The following MAP3K4 variants were observed in gnomAD, a reference collection of about 807,000 sequenced individuals.
The protein encoded by MAP3K4 is MAP three kinase 1.
Under a neutral mutation model 185.6 loss-of-function variants are expected in MAP3K4, and 67 were observed. The ratio of observed to expected loss-of-function variants is 0.36; its 90% CI spans 0.30 to 0.44. The LOEUF is 0.44. MAP3K4 is among the 20% of genes least tolerant of loss of function. The probability of loss-of-function intolerance (pLI) is 1.00; values close to 1 mark genes in which losing one functional copy is unlikely to be tolerated. For synonymous variants in MAP3K4, 702 were observed against 710.4 expected, an observed-to-expected ratio of 0.99 and a Z score of 0.19; for missense variants, 1,551 against 1,995.1, an observed-to-expected ratio of 0.78 and a Z score of 4.24.
intron 1 of MAP3K4, among the ~76,000 whole-genome samples, chr6:161,016,918 T>A (rs965184983): frequency 3.3e-5 from 5 of 152,334 alleles, no homozygotes; most frequent in African/African-American, 1.2e-4. Context: ...TGCATGCAGT[T>A]TGAATGGTGA....
At position 161,093,871 on chromosome 6, in the gene MAP3K4, C is replaced by T. The variant is rs199654595; in HGVS notation, c.3427+20C>T. Reference sequence around the variant, plus strand: ...ACCTTGGTAAGACAGCCGTTAACAGCATTTCTTCTGGAACATAATGATTTG... The same window carrying T: ...ACCTTGGTAAGACAGCCGTTAACAGTATTTCTTCTGGAACATAATGATTTG... On this transcript the variant is annotated intron_variant, in intron 15 of 26. Transcript: ENST00000392142. This position sits in a 1 kb window ranked among gnomAD's most constrained non-coding sequence, Gnocchi z 5.2. 2.5e-6 allele frequency: 4 copies of T among 1,569,450 alleles called. No individual in the cohort carries two copies. The highest frequency in any genetic ancestry group is 2.7e-5 in the African/African-American group (2 of 73,698).
Position 161,116,923 on chromosome 6 carries a change from T to C in MAP3K4, c.*53T>C, listed in dbSNP as rs1778610546. 4 of 1,496,344 alleles carry C rather than the reference T, an allele frequency of 2.7e-6. No homozygotes were observed. The highest frequency in any genetic ancestry group is 1.4e-5 in the African/African-American group (1 of 72,684). The allele number at this position is 1,496,344 out of a possible 1,614,324, so 92.7% of individuals were successfully genotyped here. A position where few individuals can be genotyped will look rare whatever the true frequency, so the allele number is the denominator to read the frequency against. On this transcript the variant is annotated 3_prime_UTR_variant, in exon 27 of 27. Transcript: ENST00000392142. The surrounding 1 kb of genome is among the most constrained non-coding windows in gnomAD (Gnocchi z 6.2). The stretch of plus-strand genomic sequence containing the variant: ...TTCTCTTAATCACTACTGTATGTAA[T>C]ATTTACATAAAGACTGTGCTGAGAA...
intron 3 of MAP3K4, among the ~76,000 whole-genome samples, chr6:161,069,463 G>A (rs948706691): frequency 2.0e-5 from 3 of 152,180 alleles, no homozygotes; most frequent in African/African-American, 7.2e-5. Flanking sequence ...TGTGAGGGTT[G>A]GTTGAGAGTG....
intron 19 of MAP3K4, among the ~76,000 whole-genome samples, chr6:161,105,441 A>G (rs1208785449): frequency 1.3e-5 from 2 of 152,184 alleles, no homozygotes; most frequent in Non-Finnish European, 2.9e-5. Flanking sequence ...GAGGAAGTTA[A>G]TTACCTTGCC....
rs766238054 is a variant in MAP3K4 at position 161,107,762 on chromosome 6, T to C, written c.4049-137T>C. The C allele has an allele frequency of 9.2e-5, 55 of 600,824 alleles. No individual in the cohort carries two copies. The highest frequency in any genetic ancestry group is 1.4e-4 in the Non-Finnish European group (51 of 358,550). 37.2% of individuals were successfully genotyped at this position (600,824 alleles called of 1,614,324 possible). ...TTTAGAAAAATTTTGGATCTTGCAA[T>C]AGTAAACTGCAGTAAACATAATTAT... On this transcript the variant is annotated intron_variant, in intron 20 of 26. Transcript: ENST00000392142. This position sits in a 1 kb window ranked among gnomAD's most constrained non-coding sequence, Gnocchi z 6.2.
intron 1 of MAP3K4, among the ~76,000 whole-genome samples, chr6:161,005,202 C>A (rs1781525988): frequency 6.6e-6 from 1 of 151,318 alleles, no homozygotes; most frequent in African/African-American, 2.4e-5. Flanking sequence ...GCGGTGGTAC[C>A]ATCATGGCTC....
chr6:161,014,382 G>A lies in MAP3K4; in HGVS notation c.153-19877G>A, dbSNP rs560162002. Among the ~76,000 whole-genome samples, 9 of 152,250 alleles carry A rather than the reference G, an allele frequency of 5.9e-5. No homozygotes were observed. The South Asian group carries it at 1.5e-3, about 25-fold the overall frequency. On this transcript the variant is annotated intron_variant, in intron 1 of 26. Coordinates refer to ENST00000392142, the MANE Select transcript of MAP3K4 (RefSeq NM_005922.4). ...ATTTCCCCTTGTTTTAATGTAAGTA[G>A]GTTTGCTTTCCTTTCAAATCCTGCT...
At chr6:161,009,074 T>G (rs1374458968) in intron 1 of MAP3K4, among the ~76,000 whole-genome samples, 7 of 151,562 alleles carry the variant, frequency 4.6e-5, no homozygotes, top group African/African-American at 1.7e-4. Flanking sequence ...AACCTCCGCC[T>G]TGCAGGTTCA....
rs751998564 is a variant in MAP3K4 at position 161,096,343 on chromosome 6, A to G, written c.3428-737A>G. ...GAAACTATGACATTAAAAAAATACT[A>G]AGGAGGGTTAAAACAGAGTGGTAAA... On this transcript the variant is annotated intron_variant, in intron 15 of 26. Transcript: ENST00000392142. The surrounding 1 kb of genome is among the most constrained non-coding windows in gnomAD (Gnocchi z 4.9). 1.3e-5 allele frequency among the ~76,000 whole-genome samples: 2 copies of G among 152,180 alleles called. No individual in the cohort carries two copies. The highest frequency in any genetic ancestry group is 6.5e-5 in the Admixed American group (1 of 15,278).
intron 3 of MAP3K4, among the ~76,000 whole-genome samples, chr6:161,055,783 T>C (rs979174674): frequency 5.3e-5 from 8 of 152,206 alleles, no homozygotes; most frequent in African/African-American, 1.9e-4. Context: ...TTAACCTTGA[T>C]CACTTGGTTA....
At chr6:161,047,793 A>G (rs1783804561) in intron 2 of MAP3K4, among the ~76,000 whole-genome samples, 2 of 152,358 alleles carry the variant, frequency 1.3e-5, no homozygotes, top group South Asian at 4.1e-4. Flanking sequence ...TAATAGTGTT[A>G]AAAGTGCCAT....
chr6:161,040,209 T>C (rs1388651412), intron 2 of MAP3K4, among the ~76,000 whole-genome samples: 1 of 152,222 alleles, frequency 6.6e-6, no homozygotes, highest in Non-Finnish European at 1.5e-5. Flanking sequence ...TATTTATCTT[T>C]ACTAAGGAGA....
rs1045410553 is a variant in MAP3K4 at position 161,096,457 on chromosome 6, A to T, written c.3428-623A>T. On this transcript the variant is annotated intron_variant, in intron 15 of 26. Coordinates refer to ENST00000392142, the MANE Select transcript of MAP3K4 (RefSeq NM_005922.4). This position sits in a 1 kb window ranked among gnomAD's most constrained non-coding sequence, Gnocchi z 4.9. The stretch of plus-strand genomic sequence containing the variant: ...GACATCTAGTTATTGGGAAAGTGGA[A>T]TTATCAGCATATTTGTAATCACTAG... Among the ~76,000 whole-genome samples, 2 of 152,218 alleles carry T rather than the reference A, an allele frequency of 1.3e-5. No individual in the cohort carries two copies. Among genetic ancestry groups the T allele is most frequent in the Admixed American group, 6.5e-5 (1 of 15,284 alleles).
In MAP3K4 at chr6:161,101,729, G is replaced by A; in HGVS notation, c.3675-163G>A. The stretch of plus-strand genomic sequence containing the variant: ...GTTTTCCGCTGCCCACTAGATGCCA[G>A]TAGCACCCTCCCAAAAGTGTCTAAT... On this transcript the variant is annotated intron_variant, in intron 17 of 26. Coordinates refer to ENST00000392142, the MANE Select transcript of MAP3K4 (RefSeq NM_005922.4). This position sits in a 1 kb window ranked among gnomAD's most constrained non-coding sequence, Gnocchi z 5.1. 1.6e-6 allele frequency: 1 copy of A among 608,462 alleles called. No individual in the cohort carries two copies. The highest frequency in any genetic ancestry group is 1.9e-5 in the African/African-American group (1 of 53,992). The allele number at this position is 608,462 out of a possible 1,614,324, so 37.7% of individuals were successfully genotyped here.
At chr6:161,005,781 A>G (rs978142245) in intron 1 of MAP3K4, among the ~76,000 whole-genome samples, 7 of 152,062 alleles carry the variant, frequency 4.6e-5, no homozygotes, top group Non-Finnish European at 8.8e-5. Flanking sequence ...GAGAAGACAT[A>G]GCTGTTTTTT....
rs1491141758 is a variant in MAP3K4, at chr6:161,098,342, GCT to G, written c.3590_3591del (p.Ala1197GlyfsTer14). The G allele has an allele frequency of 1.9e-6, 3 of 1,613,104 alleles. No individual in the cohort carries two copies. The African/African-American group carries it at 4.0e-5, about 22-fold the overall frequency. On this transcript the variant is annotated frameshift_variant, in exon 17 of 27. Coordinates refer to ENST00000392142, the MANE Select transcript of MAP3K4 (RefSeq NM_005922.4). LOFTEE classifies it high-confidence loss of function. This position sits in a 1 kb window ranked among gnomAD's most constrained non-coding sequence, Gnocchi z 4.4. The stretch of plus-strand genomic sequence containing the variant: ...CCCTGCTGCTGCTGCTGCTGCTGCT[GCT>G]GCTGCTGTTGCTGCCAGTCGGCCCA... ...GSPAAAAAAA[A>X]AAVAASRPSP... is the part of the protein sequence containing the mutation.
Position 161,049,701 on chromosome 6 carries a change from C to G in MAP3K4, c.1429C>G (p.Pro477Ala). 1 of 1,614,106 alleles carries G rather than the reference C, an allele frequency of 6.2e-7. No homozygotes were observed. The highest frequency in any genetic ancestry group is 1.1e-5 in the South Asian group (1 of 91,072). ...SDPRVPEIRQPIDNSFDIQSR... is the reference protein window; with the variant it reads ...SDPRVPEIRQAIDNSFDIQSR... ...TCCTAGGGTACCGGAAATCAGACAG[C>G]CCATAGATAACAGCTTCGACATCCA... Residue 477 changes from proline (P) to alanine (A), a missense_variant, in exon 3 of 27, where the codon CCC becomes GCC. This residue lies in a region of MAP3K4 where 126 missense variants were observed against 112.8 expected (regional missense o/e 1.12). Coordinates refer to ENST00000392142, the MANE Select transcript of MAP3K4 (RefSeq NM_005922.4). This position sits in a 1 kb window ranked among gnomAD's most constrained non-coding sequence, Gnocchi z 8.4.
rs998310691 is a variant in MAP3K4, at chr6:161,109,350, G to A, written c.4237-405G>A. ...GTGGTGTAGAGCATGAGCTTCCAGG[G>A]GAAGTTGGAAATGGATCATTTTTAA... On this transcript the variant is annotated intron_variant, in intron 22 of 26. Transcript: ENST00000392142. The surrounding 1 kb of genome is among the most constrained non-coding windows in gnomAD (Gnocchi z 5.7). Among the ~76,000 whole-genome samples the A allele has an allele frequency of 1.1e-4, 17 of 151,962 alleles. No homozygotes were observed. The highest frequency in any genetic ancestry group is 4.6e-4 in the Admixed American group (7 of 15,260).
chr6:161,037,481 C>T lies in MAP3K4; in HGVS notation c.343+3032C>T, dbSNP rs895200599. On this transcript the variant is annotated intron_variant, in intron 2 of 26. Coordinates refer to ENST00000392142, the MANE Select transcript of MAP3K4 (RefSeq NM_005922.4). The surrounding 1 kb of genome is among the most constrained non-coding windows in gnomAD (Gnocchi z 4.2). ...TTGCCCAGGCTGGAGTGCAGTGGCG[C>T]GATCTCAGCTCACTGCAACCTCCGC... 3.3e-5 allele frequency among the ~76,000 whole-genome samples: 5 copies of T among 152,032 alleles called. No homozygotes were observed. Among genetic ancestry groups the T allele is most frequent in the Admixed American group, 6.5e-5 (1 of 15,270 alleles).
Sources: allele counts gnomAD v4.1 joint callset (sites outside exome capture counted in the v4.1 genomes callset), GRCh38; gene constraint gnomAD v4.1.1; regional missense constraint gnomAD v4.1.1; non-coding constraint Gnocchi (gnomAD v3.1); transcripts MANE v1.5; gene names NCBI Gene and HGNC (gene_info 2026-07-23, HGNC 2026-07-21).